Variants in SEMA3E observed in about 807,000 individuals in gnomAD.
SEMA3E encodes the protein semaphorin-3E.
SEMA3E carries 49 observed loss-of-function variants against 93.6 expected under a neutral mutation model. The ratio of observed to expected loss-of-function variants is 0.52; its 90% CI spans 0.42 to 0.66. SEMA3E has a LOEUF of 0.66. SEMA3E is among the 30% of genes least tolerant of loss of function. The pLI, the probability that SEMA3E is intolerant of heterozygous loss-of-function variation, is 0.00. For missense variants in SEMA3E, 906 were observed against 964.8 expected (o/e 0.94, Z 0.81); for synonymous variants, 363 against 330.7 (o/e 1.10, Z -1.06).
chr7:83,367,322 C>T lies in SEMA3E; in HGVS notation c.*264G>A, dbSNP rs757247985. Reference sequence around the variant, plus strand: ...ATTTTCACAGAAAAGCAGCCAAGTACTGAAAATAACAGCTACAGTTGTTTT... The same window carrying T: ...ATTTTCACAGAAAAGCAGCCAAGTATTGAAAATAACAGCTACAGTTGTTTT... On this transcript the variant is annotated 3_prime_UTR_variant, in exon 17 of 17. Transcript: ENST00000643230. The T allele has an allele frequency of 1.0e-4, 39 of 376,628 alleles. No homozygotes were observed. Among genetic ancestry groups the T allele is most frequent in the Non-Finnish European group, 1.7e-4 (36 of 209,196 alleles). The allele number at this position is 376,628 out of a possible 1,614,324, so 23.3% of individuals were successfully genotyped here. A position where few individuals can be genotyped will look rare whatever the true frequency, so the allele number is the denominator to read the frequency against.
At chr7:83,381,156 C>G (rs921182968) in intron 16 of SEMA3E, among the ~76,000 whole-genome samples, 5 of 151,948 alleles carry the variant, frequency 3.3e-5, no homozygotes, top group African/African-American at 9.7e-5. Flanking sequence ...TGTCACAGCT[C>G]TGCTGAAAAT....
At chr7:83,587,903 G>A (rs1022695922) in intron 1 of SEMA3E, among the ~76,000 whole-genome samples, 4 of 151,740 alleles carry the variant, frequency 2.6e-5, no homozygotes, top group Admixed American at 2.0e-4. Context: ...TTCTTAAGCA[G>A]GAATAAATTC....
rs188490857 is a variant in SEMA3E, at chr7:83,613,147, C to T, written c.115+35281G>A. Among the ~76,000 whole-genome samples, 384 of 152,002 alleles carry T rather than the reference C, an allele frequency of 2.5e-3. 1 individual carries two copies. The highest frequency in any genetic ancestry group is 6.8e-3 in the Middle Eastern group (2 of 294). On this transcript the variant is annotated intron_variant, in intron 1 of 16. Transcript: ENST00000643230. ...ATATTTTATGAAAATAATTTCTATT[C>T]GTATTTGAAAAAGCATCCTATCACA...
chr7:83,512,765 G>C (rs1790852454), intron 1 of SEMA3E, among the ~76,000 whole-genome samples: 1 of 152,128 alleles, frequency 6.6e-6, no homozygotes, highest in African/African-American at 2.4e-5. Flanking sequence ...TATATACATT[G>C]TGCCTGTCTT....
Position 83,575,143 on chromosome 7 carries a change from T to A in SEMA3E, c.115+73285A>T, listed in dbSNP as rs114354388. 2.1e-3 allele frequency among the ~76,000 whole-genome samples: 318 copies of A among 152,196 alleles called. 1 individual carries two copies. Among genetic ancestry groups the A allele is most frequent in the African/African-American group, 7.4e-3 (306 of 41,494 alleles). The stretch of plus-strand genomic sequence containing the variant: ...GCATTAGTTTAATAAGTTCAATTCA[T>A]CATAAGTTTGTTTTTACCCTGAAAA... On this transcript the variant is annotated intron_variant, in intron 1 of 16. Transcript: ENST00000643230.
intron 1 of SEMA3E, among the ~76,000 whole-genome samples, chr7:83,498,740 A>C (rs1204934923): frequency 6.6e-6 from 1 of 152,136 alleles, no homozygotes; most frequent in African/African-American, 2.4e-5. Flanking sequence ...TGGCCTCCCA[A>C]AGTCGTGGGA....
intron 4 of SEMA3E, among the ~76,000 whole-genome samples, chr7:83,430,512 G>A (rs986174667): frequency 6.6e-6 from 1 of 152,038 alleles, no homozygotes; most frequent in Admixed American, 6.6e-5. Context: ...AAAATAATGA[G>A]TTCATGTCAT....
intron 4 of SEMA3E, among the ~76,000 whole-genome samples, chr7:83,442,032 A>G (rs1280488120): frequency 6.6e-6 from 1 of 152,210 alleles, no homozygotes; most frequent in Non-Finnish European, 1.5e-5. Context: ...CTTTCAAATT[A>G]AATCTACATA....
chr7:83,447,466 A>C (rs1181777800), intron 4 of SEMA3E, among the ~76,000 whole-genome samples: 1 of 152,074 alleles, frequency 6.6e-6, no homozygotes, highest in Non-Finnish European at 1.5e-5. Context: ...TGAACCCAGG[A>C]GGTGGAGGAT....
At chr7:83,418,684 T>G (rs966289058) in intron 4 of SEMA3E, among the ~76,000 whole-genome samples, 1 of 152,138 alleles carries the variant, frequency 6.6e-6, no homozygotes, top group Admixed American at 6.5e-5. Context: ...GTTCTCTCAC[T>G]CCTCTGAAAA....
intron 2 of SEMA3E, among the ~76,000 whole-genome samples, chr7:83,470,899 T>A (rs1407096009): frequency 7.1e-6 from 1 of 140,288 alleles, no homozygotes; most frequent in Non-Finnish European, 1.5e-5. Context: ...GTGGAAAACA[T>A]GTTTATTAAC....
intron 1 of SEMA3E, among the ~76,000 whole-genome samples, chr7:83,578,001 T>G (rs1001209313): frequency 2.5e-4 from 38 of 152,184 alleles, no homozygotes; most frequent in African/African-American, 8.7e-4. Context: ...GTAATCTAAA[T>G]AGCTTCCAGA....
chr7:83,535,172 A>C (rs1380063915), intron 1 of SEMA3E, among the ~76,000 whole-genome samples: 1 of 152,190 alleles, frequency 6.6e-6, no homozygotes, highest in Admixed American at 6.6e-5. Flanking sequence ...ATCTATTTTT[A>C]GATAAAGACT....
intron 1 of SEMA3E, among the ~76,000 whole-genome samples, chr7:83,509,608 G>A (rs1234964353): frequency 2.6e-5 from 4 of 152,102 alleles, no homozygotes; most frequent in Admixed American, 6.6e-5. Flanking sequence ...CAGTGTGGGG[G>A]ATTTTCTTCA....
At chr7:83,529,356 C>G (rs1343061977) in intron 1 of SEMA3E, among the ~76,000 whole-genome samples, 1 of 152,028 alleles carries the variant, frequency 6.6e-6, no homozygotes, top group Non-Finnish European at 1.5e-5. Flanking sequence ...AAGACATTAA[C>G]CAAGGTATAG....
At chr7:83,505,808 G>T (rs1790690532) in intron 1 of SEMA3E, among the ~76,000 whole-genome samples, 1 of 151,916 alleles carries the variant, frequency 6.6e-6, no homozygotes, top group Non-Finnish European at 1.5e-5. Flanking sequence ...AAGGTCAGGA[G>T]ATCGAGAACA....
At chr7:83,502,556 TTCCCAGTCTTAAGAAATAAGCCC>T (rs1289805093) in intron 1 of SEMA3E, among the ~76,000 whole-genome samples, 6 of 151,984 alleles carry the variant, frequency 3.9e-5, no homozygotes, top group Non-Finnish European at 8.8e-5. Context: ...TCACTCTGTC[TTCCCAGTCTTAAGAAATAAGCCC>T]TCCCAGTCTT....
intron 1 of SEMA3E, among the ~76,000 whole-genome samples, chr7:83,587,146 G>A (rs185978918): frequency 1.6e-4 from 25 of 152,052 alleles, no homozygotes; most frequent in Admixed American, 3.3e-4. Flanking sequence ...AATGTCAACC[G>A]TACAAATATA....
intron 1 of SEMA3E, among the ~76,000 whole-genome samples, chr7:83,582,265 T>C (rs867761415): frequency 7.0e-4 from 105 of 150,224 alleles, no homozygotes; most frequent in Middle Eastern, 3.5e-3. Context: ...AATAATAAAC[T>C]AATAAAAGCT....
Sources: gnomAD v4.1 joint callset for allele counts (sites outside exome capture counted in the v4.1 genomes callset) on GRCh38, gnomAD v4.1.1 for gene constraint, MANE v1.5 for transcripts, NCBI Gene and HGNC (gene_info 2026-07-23, HGNC 2026-07-21) for gene names.